Variants in THBS2 observed in about 807,000 individuals in gnomAD.
The protein encoded by THBS2 is thrombospondin 2.
A neutral mutation model predicts 135.2 loss-of-function variants in THBS2; 47 were observed. The ratio of observed to expected loss-of-function variants is 0.35; its 90% CI spans 0.28 to 0.44. The LOEUF (loss-of-function observed/expected upper bound fraction) is 0.44, where lower values mean the gene tolerates loss of function less well. THBS2 is among the 20% of genes least tolerant of loss of function. The pLI is 1.00. For missense variants in THBS2, 1,288 were observed against 1,603.1 expected (o/e 0.80, Z 3.36); for synonymous variants, 639 against 633.8 (o/e 1.01, Z -0.12).
chr6:169,234,689 A>G, intron 10 of THBS2, 45 bp downstream of exon 10: 2 of 1,444,840 alleles, frequency 1.4e-6, no homozygotes, highest in Non-Finnish European at 1.8e-6. Flanking sequence ...TTTCATCAGA[A>G]TGGAAGCCCG....
chr6:169,220,883 A>T (rs562170035), intron 20 of THBS2, among the ~76,000 whole-genome samples: 2 of 152,334 alleles, frequency 1.3e-5, no homozygotes, highest in East Asian at 3.9e-4. Flanking sequence ...CCAGGGACTC[A>T]CACACTCCTG....
chr6:169,248,730 G>C lies in THBS2; in HGVS notation c.296C>G (p.Thr99Arg). 1 of 1,613,696 alleles carries C rather than the reference G, an allele frequency of 6.2e-7. No homozygotes were observed. The highest frequency in any genetic ancestry group is 1.1e-5 in the South Asian group (1 of 91,066). The part of the protein sequence containing the change: ...QLKQDGKSRG[T>R]LLALEGPGLS... The stretch of plus-strand genomic sequence containing the variant: ...ACCGGGGCCCTCCAGAGCCAACAGC[G>C]TGCCCCTGGACTTGCCGTCCTGCTT... Residue 99 changes from threonine to arginine, a missense_variant, in exon 3 of 22, where the codon ACG (threonine) becomes AGG (arginine). Physicochemically the swap from Thr to Arg is moderately conservative, Grantham distance 71. This residue lies in a region of THBS2 where 414 missense variants were observed against 447.0 expected (regional missense o/e 0.93). Coordinates refer to ENST00000617924, the MANE Select transcript of THBS2 (RefSeq NM_003247.5).
chr6:169,224,195 G>GTT (rs1193503923), intron 17 of THBS2, among the ~76,000 whole-genome samples: 1 of 152,226 alleles, frequency 6.6e-6, no homozygotes, highest in African/African-American at 2.4e-5. Flanking sequence ...ACTAGTTTCC[G>GTT]TTCTGTTCAA....
intron 15 of THBS2, among the ~76,000 whole-genome samples, chr6:169,226,499 T>C (rs1296329882): frequency 6.6e-6 from 1 of 152,224 alleles, no homozygotes; most frequent in Non-Finnish European, 1.5e-5. Flanking sequence ...TTCATTACAG[T>C]TCAAATACCT....
At position 169,234,852 on chromosome 6, in the gene THBS2, G is replaced by A. The variant is rs767154900; in HGVS notation, c.1533C>T (p.Ala511=). Residue 511 remains alanine (A), a synonymous_variant, in exon 10 of 22, where the codon GCC becomes GCT. Transcript: ENST00000617924. ...SPWSACTVTC[A]GGIRERTRVC... is the part of the protein sequence containing the mutation. ...CCCGGGTGCGCTCCCGGATCCCACC[G>A]GCACAGGTGACAGTGCAGGCCGACC... The A allele has an allele frequency of 2.0e-5, 32 of 1,612,844 alleles. No individual in the cohort carries two copies. Among genetic ancestry groups the A allele is most frequent in the South Asian group, 9.9e-5 (9 of 91,014 alleles).
Position 169,241,944 on chromosome 6 carries a change from T to G in THBS2, c.709A>C (p.Ile237Leu). 1 of 1,610,206 alleles carries G rather than the reference T, an allele frequency of 6.2e-7. No individual in the cohort carries two copies. Among genetic ancestry groups the G allele is most frequent in the Non-Finnish European group, 8.5e-7 (1 of 1,178,990 alleles). ...QQGQGAEINA[I>L]SENTETLRLG... ...CGCAGCGTCTCTGTGTTCTCACTGA[T>G]GGCGTTGATCTCAGCTGAGGGCAAG... The change falls in exon 5 of 22, where the codon ATC becomes CTC. Residue 237 changes from isoleucine to leucine, a missense_variant. By Grantham distance (5) the Ile-to-Leu change is conservative. Transcript: ENST00000617924. This position sits in a 1 kb window ranked among gnomAD's most constrained non-coding sequence, Gnocchi z 5.5.
At chr6:169,230,507 G>A (rs1171178874) in intron 13 of THBS2, among the ~76,000 whole-genome samples, 4 of 152,202 alleles carry the variant, frequency 2.6e-5, no homozygotes, top group Admixed American at 2.0e-4. Flanking sequence ...GATCCCAGAC[G>A]GGGGCCCCTG....
chr6:169,239,776 CGA>C, intron 6 of THBS2, 81 bp from the exon 7 acceptor site: 1 of 1,054,194 alleles, frequency 9.5e-7, no homozygotes, highest in African/African-American at 1.6e-5. Flanking sequence ...TAGAAGGGGT[CGA>C]CAGAATGGCT....
At position 169,241,969 on chromosome 6, in the gene THBS2, G is replaced by C. The variant is rs955032097; in HGVS notation, c.695-11C>G. On this transcript the variant is annotated splice_polypyrimidine_tract_variant and intron_variant, in intron 4 of 21. Transcript: ENST00000617924. This position sits in a 1 kb window ranked among gnomAD's most constrained non-coding sequence, Gnocchi z 5.5. The stretch of plus-strand genomic sequence containing the variant: ...TGGCGTTGATCTCAGCTGAGGGCAA[G>C]CGTAGAAGGGCCGTGAGCATCACAG... The C allele has an allele frequency of 2.4e-5, 39 of 1,598,834 alleles. No individual in the cohort carries two copies. The highest frequency in any genetic ancestry group is 3.2e-5 in the Non-Finnish European group (37 of 1,171,018).
rs555199606 is a variant in THBS2, at chr6:169,232,752, G to T, written c.1844C>A (p.Pro615His). ...SKVPRCVNTQ[P>H]GFHCLPCPPR... ...CGGGCAGGGCAGGCAGTGGAAGCCA[G>T]GCTGAGTGTTGACACAGCGAGGCAC... The change falls in exon 12 of 22, where the codon CCT becomes CAT. Residue 615 changes from proline (P) to histidine (H), a missense_variant. Physicochemically the swap from Pro to His is moderately conservative, Grantham distance 77. Around this residue, in one of 2 missense-constraint regions of THBS2, gnomAD observed 874 missense variants for 1,156.1 expected, o/e 0.76. Coordinates refer to ENST00000617924, the MANE Select transcript of THBS2 (RefSeq NM_003247.5). The T allele has an allele frequency of 1.2e-6, 2 of 1,613,960 alleles. No individual in the cohort carries two copies. The highest frequency in any genetic ancestry group is 2.7e-5 in the African/African-American group (2 of 74,940).
In THBS2 at chr6:169,237,351, C is replaced by T. The variant is rs777706022; in HGVS notation, c.1301-5G>A. ...TCCAGCCGCCGTCCTGCCGGACTAACACAAGAAGCGGAGAGAGATCAGGCT... is the reference window on the plus strand; with the variant it reads ...TCCAGCCGCCGTCCTGCCGGACTAATACAAGAAGCGGAGAGAGATCAGGCT... On this transcript the variant is annotated splice_region_variant and splice_polypyrimidine_tract_variant and intron_variant, in intron 8 of 21. Coordinates refer to ENST00000617924, the MANE Select transcript of THBS2 (RefSeq NM_003247.5). 2 of 1,613,130 alleles carry T rather than the reference C, an allele frequency of 1.2e-6. No homozygotes were observed. The highest frequency in any genetic ancestry group is 2.2e-5 in the South Asian group (2 of 91,086).
intron 20 of THBS2, among the ~76,000 whole-genome samples, chr6:169,220,922 G>C (rs568866562): frequency 7.2e-5 from 11 of 152,102 alleles, no homozygotes; most frequent in Non-Finnish European, 1.5e-4. Flanking sequence ...GCCTGATCTT[G>C]GTGCTTATTA....
intron 13 of THBS2, 101 bp from the exon 14 acceptor site, chr6:169,229,780 C>A: frequency 2.2e-6 from 2 of 899,502 alleles, no homozygotes; most frequent in East Asian, 2.5e-5. Context: ...AGGAAGGAAG[C>A]GTGCCCCATC....
In THBS2 at chr6:169,252,460, G is replaced by C. The variant is rs1583424545; in HGVS notation, c.-23+1264C>G. Among the ~76,000 whole-genome samples the C allele has an allele frequency of 6.6e-6, 1 of 152,244 alleles. No homozygotes were observed. Among genetic ancestry groups the C allele is most frequent in the African/African-American group, 2.4e-5 (1 of 41,466 alleles). On this transcript the variant is annotated intron_variant, in intron 1 of 21. Coordinates refer to ENST00000617924, the MANE Select transcript of THBS2 (RefSeq NM_003247.5). This position sits in a 1 kb window ranked among gnomAD's most constrained non-coding sequence, Gnocchi z 4.3. ...GCCCTGCAGAGGCCAGCCAAGAACA[G>C]GATGGTAAATGCGAAAGTTCTGGAT...
chr6:169,240,561 A>G lies in THBS2; in HGVS notation c.923T>C (p.Ile308Thr). Residue 308 changes from isoleucine (I) to threonine (T), a missense_variant, in exon 6 of 22, where the codon ATT (isoleucine) becomes ACT (threonine). Around this residue, in one of 2 missense-constraint regions of THBS2, gnomAD observed 414 missense variants for 447.0 expected, o/e 0.93. Transcript: ENST00000617924. Reference protein sequence around the residue: ...SNDNQFLWELIGGPPKTRNMS... With the variant: ...SNDNQFLWELTGGPPKTRNMS... ...GTTCCTTGTCTTAGGAGGGCCACCA[A>G]TGAGCTCCCAGAGAAACTGGTTATC... 1 of 1,614,048 alleles carries G rather than the reference A, an allele frequency of 6.2e-7. No homozygotes were observed. Among genetic ancestry groups the G allele is most frequent in the Non-Finnish European group, 8.5e-7 (1 of 1,179,998 alleles).
chr6:169,221,348 CTTAT>C, intron 20 of THBS2, 78 bp downstream of exon 20: 2 of 1,268,814 alleles, frequency 1.6e-6, no homozygotes, highest in South Asian at 1.2e-5. Context: ...TTCACTTGAG[CTTAT>C]TTGTCTATTA....
chr6:169,246,356 C>A, intron 3 of THBS2, 75 bp from the exon 4 acceptor site: 1 of 1,230,612 alleles, frequency 8.1e-7, no homozygotes. Flanking sequence ...AACTGACATT[C>A]TAAAAATACA....
intron 14 of THBS2, 83 bp from the exon 15 acceptor site, chr6:169,228,364 C>A: frequency 1.3e-6 from 2 of 1,488,664 alleles, no homozygotes; most frequent in Non-Finnish European, 1.8e-6. Flanking sequence ...GTTATGTACT[C>A]AAGGTTGATG....
chr6:169,232,650 C>G lies in THBS2; in HGVS notation c.1932+14G>C. ...AGCCGCTCGCAACACACAAGGAAGG[C>G]CGGCCTTGCGTACTTGCTTTTCCGT... is the stretch of plus-strand genomic sequence containing the variant. On this transcript the variant is annotated intron_variant, in intron 12 of 21. Transcript: ENST00000617924. 1 of 1,585,500 alleles carries G rather than the reference C, an allele frequency of 6.3e-7. No homozygotes were observed. Among genetic ancestry groups the G allele is most frequent in the East Asian group, 2.2e-5 (1 of 44,622 alleles).
Sources: gnomAD v4.1 joint callset for allele counts (sites outside exome capture counted in the v4.1 genomes callset) on GRCh38, gnomAD v4.1.1 for gene constraint, gnomAD v4.1.1 regional missense constraint, Gnocchi (gnomAD v3.1) non-coding constraint, MANE v1.5 for transcripts, NCBI Gene and HGNC (gene_info 2026-07-23, HGNC 2026-07-21) for gene names.